The following RASA4B variants were observed in gnomAD, a reference collection of about 807,000 sequenced individuals.
RASA4B encodes the protein RAS p21 protein activator 4B, also known as ras GTPase-activating protein 4B.
In RASA4B, 2 loss-of-function variants were observed where a neutral mutation model predicts 24.2. The ratio of observed to expected loss-of-function variants is 0.08; its 90% CI spans 0.03 to 0.26. The LOEUF (loss-of-function observed/expected upper bound fraction) is 0.26. RASA4B is among the 10% of genes least tolerant of loss of function. RASA4B has a pLI of 1.00. For missense variants in RASA4B, 8 were observed against 277.2 expected, an observed-to-expected ratio of 0.03 and a Z score of 6.90; for synonymous variants, 2 against 125.6, an observed-to-expected ratio of 0.02 and a Z score of 6.58.
At chr7:102,498,580 G>A (rs1265524252) in intron 8 of RASA4B, among the ~76,000 whole-genome samples, 2 of 135,870 alleles carry the variant, frequency 1.5e-5, no homozygotes, top group African/African-American at 2.7e-5. Flanking sequence ...ACGGAGTTTC[G>A]CTCTTGTCAC....
intron 17 of RASA4B, chr7:102,488,915 GC>G: frequency 1.6e-6 from 1 of 622,196 alleles, no homozygotes; most frequent in Non-Finnish European, 2.8e-6. Context: ...CAAACTCCTG[GC>G]CTCCAGTGAT....
chr7:102,489,497 T>TAA (rs200860960), intron 17 of RASA4B, among the ~76,000 whole-genome samples: 81 of 130,736 alleles, frequency 6.2e-4, no homozygotes, highest in South Asian at 8.2e-4. Flanking sequence ...ACTAATTAAT[T>TAA]TATTTATTTA....
chr7:102,496,122 T>C lies in RASA4B; in HGVS notation c.1071+18A>G, dbSNP rs750019367. ...GTTGTCGTTTGCAAGATGAGGACAA[T>C]ATAGCATGCAACCTCACCTTCAGAA... On this transcript the variant is annotated intron_variant, in intron 11 of 20. Transcript: ENST00000465829. The C allele has an allele frequency of 5.6e-4, 904 of 1,612,752 alleles. 2 individuals are homozygous for C. The South Asian group carries it at 9.6e-3, about 17-fold the overall frequency.
At chr7:102,504,142 T>C (rs376283061) in intron 5 of RASA4B, among the ~76,000 whole-genome samples, 1,261 of 147,144 alleles carry the variant, frequency 8.6e-3, no homozygotes, top group South Asian at 0.026. Context: ...AGGGTCTTGC[T>C]CTGTTGCTCA....
chr7:102,488,796 GCAGTGGCTCACTCCTATAATCC>G (rs746058402), intron 17 of RASA4B, among the ~76,000 whole-genome samples, 198 bp from the exon 18 acceptor site: 514 of 145,734 alleles, frequency 3.5e-3, no homozygotes, highest in Non-Finnish European at 4.8e-3. Context: ...GAGAGCAGGT[GCAGTGGCTCACTCCTATAATCC>G]CAGTGGCTCA....
intron 18 of RASA4B, among the ~76,000 whole-genome samples, chr7:102,486,654 TTC>T (rs1798741570): frequency 8.1e-5 from 1 of 12,306 alleles, no homozygotes; most frequent in Non-Finnish European, 2.6e-4. Flanking sequence ...TTTGTTTCTT[TTC>T]TGTTTTTTTT....
intron 8 of RASA4B, among the ~76,000 whole-genome samples, chr7:102,498,613 G>A (rs772808427): frequency 4.6e-3 from 618 of 135,808 alleles, no homozygotes; most frequent in Non-Finnish European, 5.8e-3. Context: ...GCAGTGGTGG[G>A]ATCTCGGCTC....
At chr7:102,511,461 C>T in intron 2 of RASA4B, among the ~76,000 whole-genome samples, 1 of 117,102 alleles carries the variant, frequency 8.5e-6, no homozygotes, top group Non-Finnish European at 1.9e-5. Flanking sequence ...TCTGGGGTGG[C>T]CAGACTTGGG....
chr7:102,481,665 CAAAAA>C lies in RASA4B; in HGVS notation c.*1922_*1926del. ...TGGGCAACACAGTGAGACTCTGTCT[CAAAAA>C]AAAAAAAAAAAAAAATTATAAAGTT... On this transcript the variant is annotated 3_prime_UTR_variant, in exon 21 of 21. Coordinates refer to ENST00000465829, the MANE Select transcript of RASA4B (RefSeq NM_001367767.2). Among the ~76,000 whole-genome samples the C allele has an allele frequency of 2.8e-5, 1 of 35,924 alleles. No homozygotes were observed. Among genetic ancestry groups the C allele is most frequent in the African/African-American group, 7.5e-5 (1 of 13,360 alleles). 23.6% of individuals were successfully genotyped at this position (35,924 alleles called of 152,430 possible).
At chr7:102,498,063 CTTA>C (rs1799221065) in intron 8 of RASA4B, among the ~76,000 whole-genome samples, 1 of 114,780 alleles carries the variant, frequency 8.7e-6, no homozygotes, top group Non-Finnish European at 1.9e-5. Flanking sequence ...ATTTTATTTA[CTTA>C]TTAACTATTT....
intron 19 of RASA4B, among the ~76,000 whole-genome samples, chr7:102,484,724 G>A (rs564130727): frequency 2.7e-5 from 4 of 148,660 alleles, no homozygotes; most frequent in African/African-American, 9.7e-5. Flanking sequence ...TTCTGCCAAG[G>A]CTGAGAACCA....
chr7:102,511,582 C>T (rs1799697749), intron 2 of RASA4B, among the ~76,000 whole-genome samples: 2 of 81,230 alleles, frequency 2.5e-5, no homozygotes, highest in Admixed American at 1.3e-4. Flanking sequence ...GATATCGTAT[C>T]TCGTTAATTG....
At chr7:102,495,726 GT>G (rs1294501778) in intron 11 of RASA4B, among the ~76,000 whole-genome samples, 4,374 of 30,336 alleles carry the variant, frequency 0.14, 8 homozygotes, top group African/African-American at 0.2. Flanking sequence ...GGGGGGGGGG[GT>G]GCGGGGCACG....
Position 102,480,415 on chromosome 7 carries a change from A to C in RASA4B, c.*3177T>G, listed in dbSNP as rs377277489. On this transcript the variant is annotated 3_prime_UTR_variant, in exon 21 of 21. Transcript: ENST00000465829. ...GCAGAGGAGTGTGAGATGCGTGTGA[A>C]AATGCAAACTTGGCTCTCCCTGGCT... Among the ~76,000 whole-genome samples, 5 of 147,864 alleles carry C rather than the reference A, an allele frequency of 3.4e-5. No homozygotes were observed. The East Asian group carries it at 5.9e-4, about 18-fold the overall frequency.
Position 102,487,204 on chromosome 7 carries a change from T to G in RASA4B, c.2104+1259A>C, listed in dbSNP as rs957611372. 7.6e-5 allele frequency among the ~76,000 whole-genome samples: 7 copies of G among 92,598 alleles called. 2 individuals are homozygous for G. The highest frequency in any genetic ancestry group is 2.1e-4 in the African/African-American group (7 of 33,468). 60.7% of individuals were successfully genotyped at this position (92,598 alleles called of 152,430 possible). On this transcript the variant is annotated intron_variant, in intron 18 of 20. Coordinates refer to ENST00000465829, the MANE Select transcript of RASA4B (RefSeq NM_001367767.2). Reference sequence around the variant, plus strand: ...CTACTCAGAGGCTGAGGCAGGAGGATTGCTTGAGCCCAGGAGTTGGAGGCT... The same window carrying G: ...CTACTCAGAGGCTGAGGCAGGAGGAGTGCTTGAGCCCAGGAGTTGGAGGCT...
At chr7:102,507,294 C>CAAACTCCTGACCTCAAGCA (rs1374571397) in intron 4 of RASA4B, among the ~76,000 whole-genome samples, 1 of 77,578 alleles carries the variant, frequency 1.3e-5, no homozygotes. Context: ...AGGCTGGTCT[C>CAAACTCCTGACCTCAAGCA]AAACTCCTGA....
chr7:102,504,729 G>T (rs1799439107), intron 5 of RASA4B, among the ~76,000 whole-genome samples: 1 of 137,504 alleles, frequency 7.3e-6, no homozygotes, highest in Non-Finnish European at 1.5e-5. Flanking sequence ...CCCGGGTGCA[G>T]TGGCTCACGC....
At chr7:102,490,530 G>GA (rs1702486241) in intron 17 of RASA4B, among the ~76,000 whole-genome samples, 1 of 143,334 alleles carries the variant, frequency 7.0e-6, no homozygotes, top group Non-Finnish European at 1.5e-5. Flanking sequence ...CCCACACACA[G>GA]ACCTACACAT....
chr7:102,511,590 T>C (rs1799698049), intron 2 of RASA4B, among the ~76,000 whole-genome samples: 1 of 72,044 alleles, frequency 1.4e-5, no homozygotes, highest in East Asian at 5.9e-4. Flanking sequence ...ATCTCGTTAA[T>C]TGCAAGAACT....
Sources: allele counts gnomAD v4.1 joint callset (sites outside exome capture counted in the v4.1 genomes callset), GRCh38; gene constraint gnomAD v4.1.1; transcripts MANE v1.5; gene names NCBI Gene and HGNC (gene_info 2026-07-23, HGNC 2026-07-21).